The following AGBL4 variants were observed in gnomAD, a reference collection of about 807,000 sequenced individuals.
AGBL4 encodes the protein AGBL carboxypeptidase 4.
A neutral mutation model predicts 66.4 loss-of-function variants in AGBL4; 58 were observed. The observed-to-expected ratio is 0.87, with a 90% CI of 0.71 to 1.09. The LOEUF is 1.09. Among genes scored for constraint, AGBL4 ranks in the 50% least tolerant of loss-of-function variants. The pLI, the probability that AGBL4 is intolerant of heterozygous loss-of-function variation, is 0.00. For missense variants in AGBL4, 579 were observed against 631.0 expected, an observed-to-expected ratio of 0.92 and a Z score of 0.88; for synonymous variants, 234 against 222.9, an observed-to-expected ratio of 1.05 and a Z score of -0.44.
intron 5 of AGBL4, among the ~76,000 whole-genome samples, chr1:49,001,728 C>T (rs1007972427): frequency 6.6e-6 from 1 of 152,208 alleles, no homozygotes. Flanking sequence ...ACCAGTCTCT[C>T]TGGCCACAGA....
chr1:48,960,089 T>G (rs922199906), intron 5 of AGBL4, among the ~76,000 whole-genome samples: 1 of 152,014 alleles, frequency 6.6e-6, no homozygotes, highest in Non-Finnish European at 1.5e-5. Flanking sequence ...GGGCCACCAG[T>G]TAGTAGGCTA....
Position 48,634,559 on chromosome 1 carries a change from G to C in AGBL4, c.885C>G (p.Pro295=). The change falls in exon 9 of 14, where the codon CCC becomes CCG. Residue 295 remains proline, a synonymous_variant. Transcript: ENST00000371839. ...GCAGGGTAGGATGGACCCATGGAGA[G>C]GGATCCAGCCAGTGACGATTCAGAT... ...GFDLNRHWLD[P]SPWVHPTLHG... is the part of the protein sequence containing the mutation. The C allele has an allele frequency of 6.2e-7, 1 of 1,606,654 alleles. No individual in the cohort carries two copies. The highest frequency in any genetic ancestry group is 1.3e-5 in the African/African-American group (1 of 74,822).
intron 5 of AGBL4, among the ~76,000 whole-genome samples, chr1:48,904,922 G>A (rs935628548): frequency 3.2e-5 from 1 of 31,714 alleles, no homozygotes; most frequent in Admixed American, 2.4e-4. Context: ...AAGGCGAGAC[G>A]CTGTACAGTC....
chr1:49,633,895 TATATA>T (rs1260465630), intron 3 of AGBL4, among the ~76,000 whole-genome samples: 4 of 60,060 alleles, frequency 6.7e-5, no homozygotes, highest in African/African-American at 1.2e-4. Context: ...ATTATTGTAA[TATATA>T]ATATATGTAA....
At chr1:49,280,993 T>C (rs1644261274) in intron 3 of AGBL4, among the ~76,000 whole-genome samples, 1 of 152,214 alleles carries the variant, frequency 6.6e-6, no homozygotes, top group South Asian at 2.1e-4. Flanking sequence ...TTTAAGTTAT[T>C]ATTACCGTAT....
intron 6 of AGBL4, among the ~76,000 whole-genome samples, chr1:48,678,481 G>A (rs1430494659): frequency 6.6e-6 from 1 of 152,154 alleles, no homozygotes; most frequent in Non-Finnish European, 1.5e-5. Context: ...TTTGCTCAAG[G>A]TCAGAGCCCT....
intron 11 of AGBL4, chr1:48,584,148 T>A (rs1327470187): frequency 2.0e-5 from 3 of 152,342 alleles, no homozygotes; most frequent in Non-Finnish European, 4.4e-5. Flanking sequence ...ACCACTCTGG[T>A]CTTGGCCTGG....
intron 3 of AGBL4, among the ~76,000 whole-genome samples, chr1:49,256,142 T>C (rs1652479484): frequency 6.6e-6 from 1 of 152,030 alleles, no homozygotes; most frequent in Non-Finnish European, 1.5e-5. Context: ...TGCACATCTA[T>C]CCATCAACTT....
At chr1:48,652,664 A>C (rs1049635656) in intron 8 of AGBL4, among the ~76,000 whole-genome samples, 4 of 152,230 alleles carry the variant, frequency 2.6e-5, no homozygotes, top group Admixed American at 1.3e-4. Flanking sequence ...AGTCAGCTTA[A>C]TGTGAAATAA....
intron 6 of AGBL4, among the ~76,000 whole-genome samples, chr1:48,741,996 CTAA>C (rs1649986886): frequency 6.6e-6 from 1 of 152,162 alleles, no homozygotes; most frequent in Non-Finnish European, 1.5e-5. Flanking sequence ...GATTCCATTA[CTAA>C]TAATCTTAAG....
chr1:48,668,123 G>A (rs1019761288), intron 6 of AGBL4, among the ~76,000 whole-genome samples: 1 of 152,100 alleles, frequency 6.6e-6, no homozygotes, highest in Admixed American at 6.5e-5. Context: ...TTCTAAACCA[G>A]ACAAGTTTCA....
chr1:48,720,774 G>A (rs2148532221), intron 6 of AGBL4, among the ~76,000 whole-genome samples: 1 of 152,228 alleles, frequency 6.6e-6, no homozygotes, highest in South Asian at 2.1e-4. Context: ...CTTGTGAGAA[G>A]AGGGAGCTAA....
intron 2 of AGBL4, among the ~76,000 whole-genome samples, chr1:49,754,932 C>T (rs1003994004): frequency 6.6e-6 from 1 of 152,232 alleles, no homozygotes; most frequent in African/African-American, 2.4e-5. Flanking sequence ...AGAATTTCCT[C>T]TTCTTTGGGG....
At chr1:49,937,155 C>T (rs995148393) in intron 1 of AGBL4, among the ~76,000 whole-genome samples, 28 of 151,906 alleles carry the variant, frequency 1.8e-4, no homozygotes, top group African/African-American at 6.5e-4. Context: ...ATCTACCAAG[C>T]AAATGGAAAA....
chr1:49,110,287 A>G (rs11205600), intron 4 of AGBL4, among the ~76,000 whole-genome samples: 28,192 of 152,108 alleles, frequency 0.19, 3,158 homozygotes, highest in East Asian at 0.41. Flanking sequence ...GGCCCCAAAT[A>G]ATGAGAAAAT....
intron 1 of AGBL4, among the ~76,000 whole-genome samples, chr1:49,867,892 T>C (rs1017464513): frequency 1.3e-5 from 2 of 152,186 alleles, no homozygotes; most frequent in African/African-American, 4.8e-5. Context: ...TAAATGTAAG[T>C]GGGCTAAATG....
intron 11 of AGBL4, among the ~76,000 whole-genome samples, chr1:48,557,810 C>T (rs964765020): frequency 6.6e-6 from 1 of 152,150 alleles, no homozygotes; most frequent in African/African-American, 2.4e-5. Context: ...GAACCTTTTG[C>T]CTGGAGAGAA....
At chr1:48,764,234 T>C (rs1644418288) in intron 6 of AGBL4, among the ~76,000 whole-genome samples, 1 of 152,238 alleles carries the variant, frequency 6.6e-6, no homozygotes, top group African/African-American at 2.4e-5. Context: ...GCATTTGAGC[T>C]AGACTCCTTA....
intron 6 of AGBL4, among the ~76,000 whole-genome samples, chr1:48,789,369 A>G (rs1645486386): frequency 1.3e-5 from 2 of 151,714 alleles, no homozygotes; most frequent in Admixed American, 6.6e-5. Flanking sequence ...GCTCACTGCA[A>G]GCTCCGCCTC....
Sources: allele counts gnomAD v4.1 joint callset (sites outside exome capture counted in the v4.1 genomes callset), GRCh38; gene constraint gnomAD v4.1.1; transcripts MANE v1.5; gene names NCBI Gene and HGNC (gene_info 2026-07-23, HGNC 2026-07-21).